Variants in TMEM132D observed in about 807,000 individuals in gnomAD.
The protein encoded by TMEM132D is mature OL transmembrane protein.
In TMEM132D, 21 loss-of-function variants were observed where a neutral mutation model predicts 62.3. That is an observed-to-expected ratio of 0.34 (90% confidence interval 0.24 to 0.49). TMEM132D has a LOEUF of 0.49. Among genes scored for constraint, TMEM132D ranks in the 20% least tolerant of loss-of-function variants. The pLI is 0.99. For synonymous variants in TMEM132D, 621 were observed against 575.6 expected (o/e 1.08, Z -1.13); for missense variants, 1,346 against 1,402.8 (o/e 0.96, Z 0.65).
chr12:129,280,002 G>A (rs570965617), intron 4 of TMEM132D, among the ~76,000 whole-genome samples: 6 of 152,276 alleles, frequency 3.9e-5, no homozygotes, highest in South Asian at 2.1e-4. Context: ...GAATGGCAGC[G>A]TAAATGAAAA....
Position 129,458,587 on chromosome 12 carries a change from T to C in TMEM132D, c.1115+72472A>G, listed in dbSNP as rs142393974. Reference sequence around the variant, plus strand: ...TGTGGGCATCACACAGAGAGAGAAATAGATCTGTAAAAACCGCTAATGAAA... The same window carrying C: ...TGTGGGCATCACACAGAGAGAGAAACAGATCTGTAAAAACCGCTAATGAAA... On this transcript the variant is annotated intron_variant, in intron 3 of 8. Transcript: ENST00000422113. 3.6e-3 allele frequency among the ~76,000 whole-genome samples: 546 copies of C among 152,048 alleles called. 4 individuals are homozygous for C. The highest frequency in any genetic ancestry group is 4.5e-3 in the Admixed American group (69 of 15,250).
intron 4 of TMEM132D, among the ~76,000 whole-genome samples, chr12:129,236,957 G>GT (rs1209585966): frequency 6.6e-6 from 1 of 152,010 alleles, no homozygotes; most frequent in Non-Finnish European, 1.5e-5. Context: ...TTTTCCAATT[G>GT]TTTTTTCCTG....
intron 3 of TMEM132D, among the ~76,000 whole-genome samples, chr12:129,501,853 T>C (rs373051380): frequency 1.6e-4 from 24 of 152,078 alleles, no homozygotes; most frequent in African/African-American, 4.6e-4. Context: ...TGTGAGGGCT[T>C]GTCATCATCA....
chr12:129,533,637 C>G (rs574072004), intron 2 of TMEM132D, among the ~76,000 whole-genome samples: 1 of 152,274 alleles, frequency 6.6e-6, no homozygotes, highest in Admixed American at 6.5e-5. Flanking sequence ...TCCAATGAAT[C>G]CTTTTCAAGT....
chr12:129,638,448 C>A (rs1040368851), intron 2 of TMEM132D, among the ~76,000 whole-genome samples: 5 of 150,150 alleles, frequency 3.3e-5, no homozygotes, highest in Non-Finnish European at 7.4e-5. Context: ...AAATTTCCTA[C>A]TTTCATTGAA....
At chr12:129,654,297 A>AGTGTGTGTGTGTGTGTGAGT (rs1555223865) in intron 2 of TMEM132D, among the ~76,000 whole-genome samples, 1 of 148,360 alleles carries the variant, frequency 6.7e-6, no homozygotes, top group Non-Finnish European at 1.5e-5. Context: ...TGTGTGTGTG[A>AGTGTGTGTGTGTGTGTGAGT]GTGTGTGTGT....
rs867432538 is a variant in TMEM132D at position 129,867,008 on chromosome 12, G to A, written c.79+36253C>T. Among the ~76,000 whole-genome samples, 13 of 152,074 alleles carry A rather than the reference G, an allele frequency of 8.5e-5. No individual in the cohort carries two copies. Among genetic ancestry groups the A allele is most frequent in the African/African-American group, 2.2e-4 (9 of 41,398 alleles). ...CATGCCTGTAATCCCGGCACCTTGC[G>A]AAGCTGAGGCAGGCAGATGGCCTGA... is the stretch of plus-strand genomic sequence containing the variant. On this transcript the variant is annotated intron_variant, in intron 1 of 8. Coordinates refer to ENST00000422113, the MANE Select transcript of TMEM132D (RefSeq NM_133448.3). The surrounding 1 kb of genome is among the most constrained non-coding windows in gnomAD (Gnocchi z 4.5).
chr12:129,192,544 G>A (rs1026882350), intron 5 of TMEM132D, among the ~76,000 whole-genome samples: 92 of 152,336 alleles, frequency 6.0e-4, no homozygotes, highest in African/African-American at 2.0e-3. Flanking sequence ...GGCCCTGAAA[G>A]ACTAATCATG....
intron 4 of TMEM132D, among the ~76,000 whole-genome samples, chr12:129,265,384 T>C (rs1224784827): frequency 2.0e-5 from 3 of 152,118 alleles, no homozygotes; most frequent in Non-Finnish European, 4.4e-5. Flanking sequence ...CTCTTGAAAA[T>C]GGGCAAAATG....
At chr12:129,621,387 T>G (rs1223500305) in intron 2 of TMEM132D, among the ~76,000 whole-genome samples, 1 of 151,768 alleles carries the variant, frequency 6.6e-6, no homozygotes, top group Non-Finnish European at 1.5e-5. Flanking sequence ...ACCGCCACCC[T>G]CCCCCTGCCC....
intron 5 of TMEM132D, among the ~76,000 whole-genome samples, chr12:129,147,308 A>G (rs1406647621): frequency 1.1e-5 from 1 of 89,946 alleles, no homozygotes; most frequent in Non-Finnish European, 2.1e-5. Flanking sequence ...ATATATACAT[A>G]TGTGTATATG....
intron 4 of TMEM132D, among the ~76,000 whole-genome samples, chr12:129,306,253 T>C (rs956568688): frequency 1.3e-5 from 2 of 152,186 alleles, no homozygotes; most frequent in Non-Finnish European, 2.9e-5. Context: ...CATGCAAAAT[T>C]AAGAAAGTTT....
chr12:129,568,498 A>G (rs999762623), intron 2 of TMEM132D, among the ~76,000 whole-genome samples: 5 of 152,212 alleles, frequency 3.3e-5, no homozygotes, highest in African/African-American at 7.2e-5. Flanking sequence ...CTTTTATTAT[A>G]TCAACAGCAT....
At chr12:129,621,366 G>A (rs757596741) in intron 2 of TMEM132D, among the ~76,000 whole-genome samples, 11 of 152,008 alleles carry the variant, frequency 7.2e-5, no homozygotes, top group Non-Finnish European at 1.3e-4. Context: ...ATGCTCTCTG[G>A]GGAGCTCAGC....
chr12:129,185,162 G>C (rs111761082), intron 5 of TMEM132D, among the ~76,000 whole-genome samples: 3 of 152,294 alleles, frequency 2.0e-5, no homozygotes, highest in African/African-American at 7.2e-5. Context: ...CAGGAGAGAA[G>C]ATCCTGGAGA....
At chr12:129,868,525 G>A (rs1416265515) in intron 1 of TMEM132D, among the ~76,000 whole-genome samples, 7 of 152,000 alleles carry the variant, frequency 4.6e-5, no homozygotes, top group Non-Finnish European at 7.4e-5. Context: ...ATCGTGAGTC[G>A]AGGCTTCCTG....
At chr12:129,893,142 T>C (rs565324769) in intron 1 of TMEM132D, among the ~76,000 whole-genome samples, 36 of 152,148 alleles carry the variant, frequency 2.4e-4, no homozygotes, top group Non-Finnish European at 4.6e-4. Context: ...CCCAAAGTGC[T>C]GGGATTACAG....
intron 4 of TMEM132D, among the ~76,000 whole-genome samples, chr12:129,259,778 G>T (rs1396350652): frequency 6.6e-6 from 1 of 152,112 alleles, no homozygotes; most frequent in East Asian, 1.9e-4. Flanking sequence ...GACTTGAAAA[G>T]TCACATTATT....
At chr12:129,601,260 C>A (rs1878474937) in intron 2 of TMEM132D, among the ~76,000 whole-genome samples, 1 of 152,168 alleles carries the variant, frequency 6.6e-6, no homozygotes, top group South Asian at 2.1e-4. Flanking sequence ...TTGCCCCCAG[C>A]CTTCATAGAA....
Sources: allele counts gnomAD v4.1 joint callset (sites outside exome capture counted in the v4.1 genomes callset), GRCh38; gene constraint gnomAD v4.1.1; non-coding constraint Gnocchi (gnomAD v3.1); transcripts MANE v1.5; gene names NCBI Gene and HGNC (gene_info 2026-07-23, HGNC 2026-07-21).